The following LARGE1 variants were observed in gnomAD, a reference collection of about 807,000 sequenced individuals.
LARGE1 encodes the protein LARGE xylosyl- and glucuronyltransferase 1.
LARGE1 carries 43 observed loss-of-function variants against 87.6 expected under a neutral mutation model. The ratio of observed to expected loss-of-function variants is 0.49; its 90% CI spans 0.38 to 0.63. The LOEUF is 0.63. Ranked by LOEUF, LARGE1 falls within the 30% of genes least tolerant of loss-of-function variation. LARGE1 has a pLI of 0.00. For missense variants in LARGE1, 802 were observed against 1,000.2 expected, an observed-to-expected ratio of 0.80 and a Z score of 2.67; for synonymous variants, 434 against 394.6, an observed-to-expected ratio of 1.10 and a Z score of -1.18.
rs1928360365 is a variant in LARGE1 at position 33,272,538 on chromosome 22, A to G, written c.*1889T>C. Among the ~76,000 whole-genome samples, 1 of 152,148 alleles carries G rather than the reference A, an allele frequency of 6.6e-6. No individual in the cohort carries two copies. The highest frequency in any genetic ancestry group is 1.5e-5 in the Non-Finnish European group (1 of 68,036). On this transcript the variant is annotated 3_prime_UTR_variant, in exon 15 of 15. Transcript: ENST00000397394. ...AAAATTTTTGTTCTGCTTTATACAT[A>G]TATGTCACTTTTTATTTATAAATGC...
intron 5 of LARGE1, among the ~76,000 whole-genome samples, chr22:33,585,359 G>A (rs574354886): frequency 1.3e-5 from 2 of 151,996 alleles, no homozygotes; most frequent in African/African-American, 2.4e-5. Context: ...ACATAGAAAC[G>A]CACACACAGG....
intron 2 of LARGE1, among the ~76,000 whole-genome samples, chr22:33,655,356 T>A (rs911193227): frequency 9.8e-5 from 15 of 152,302 alleles, no homozygotes; most frequent in African/African-American, 3.1e-4. Context: ...TGGGACATCA[T>A]CTTTTTCTTG....
At chr22:33,655,550 C>T (rs573144536) in intron 2 of LARGE1, among the ~76,000 whole-genome samples, 2 of 152,262 alleles carry the variant, frequency 1.3e-5, no homozygotes, top group African/African-American at 4.8e-5. Context: ...TTGTCAGCTT[C>T]CATAATCATG....
At position 33,277,089 on chromosome 22, in the gene LARGE1, C is replaced by G; in HGVS notation, c.2044G>C (p.Val682Leu). The G allele has an allele frequency of 6.2e-7, 1 of 1,614,248 alleles. No homozygotes were observed. Among genetic ancestry groups the G allele is most frequent in the Non-Finnish European group, 8.5e-7 (1 of 1,180,038 alleles). ...ACATCCAGCTCCATGATATGAGCCA[C>G]TTTGTTCCAGCCAAAGCCTACAAAC... ...RRFVGFGWNK[V>L]AHIMELDVQE... is the part of the protein sequence containing the mutation. The change falls in exon 14 of 15, where the codon GTG becomes CTG. Residue 682 changes from valine (V) to leucine (L), a missense_variant. Physicochemically the swap from Val to Leu is conservative, Grantham distance 32. This residue lies in a region of LARGE1 where 625 missense variants were observed against 841.9 expected (regional missense o/e 0.74). Transcript: ENST00000397394.
At chr22:33,836,813 AT>A (rs2063121356) in intron 1 of LARGE1, among the ~76,000 whole-genome samples, 3 of 151,858 alleles carry the variant, frequency 2.0e-5, no homozygotes, top group African/African-American at 7.3e-5. Context: ...AAAAAAAAGA[AT>A]TAATCCATGT....
chr22:33,590,457 T>A (rs1179803829), intron 5 of LARGE1, among the ~76,000 whole-genome samples: 1 of 152,242 alleles, frequency 6.6e-6, no homozygotes, highest in Non-Finnish European at 1.5e-5. Context: ...CTTTTAAACG[T>A]ACAGTTCAAT....
intron 2 of LARGE1, among the ~76,000 whole-genome samples, chr22:33,731,251 C>A (rs1373751425): frequency 6.6e-6 from 1 of 152,058 alleles, no homozygotes; most frequent in Non-Finnish European, 1.5e-5. Context: ...GATCCGCCCA[C>A]CTCAGCCTCC....
At chr22:33,912,023 C>T (rs572371693) in intron 1 of LARGE1, among the ~76,000 whole-genome samples, 2 of 152,320 alleles carry the variant, frequency 1.3e-5, no homozygotes, top group East Asian at 3.9e-4. Flanking sequence ...TAACTGCAGA[C>T]CTACTAAGCA....
chr22:33,877,378 CA>C (rs1166387038), intron 1 of LARGE1, among the ~76,000 whole-genome samples: 3 of 151,962 alleles, frequency 2.0e-5, no homozygotes, highest in East Asian at 1.9e-4. Flanking sequence ...AAGTATCCTC[CA>C]AAAAAATTTT....
intron 2 of LARGE1, among the ~76,000 whole-genome samples, chr22:33,698,164 C>A (rs1385246223): frequency 6.6e-6 from 1 of 152,132 alleles, no homozygotes; most frequent in African/African-American, 2.4e-5. Context: ...CCTCTCTCTC[C>A]AAGGTTCAAG....
intron 6 of LARGE1, among the ~76,000 whole-genome samples, chr22:33,526,296 A>C (rs2071891003): frequency 6.6e-6 from 1 of 152,244 alleles, no homozygotes; most frequent in African/African-American, 2.4e-5. Context: ...CTAATGAAGG[A>C]AACACACAAG....
At chr22:33,666,457 CAG>C (rs2081270689) in intron 2 of LARGE1, among the ~76,000 whole-genome samples, 1 of 152,192 alleles carries the variant, frequency 6.6e-6, no homozygotes, top group South Asian at 2.1e-4. Flanking sequence ...AGAGCTACCG[CAG>C]AGAGTGCATG....
chr22:33,516,442 C>T (rs140111705), intron 6 of LARGE1, among the ~76,000 whole-genome samples: 141 of 152,184 alleles, frequency 9.3e-4, no homozygotes, highest in African/African-American at 3.3e-3. Context: ...CATTTTGAAA[C>T]TCCTAACACA....
intron 5 of LARGE1, among the ~76,000 whole-genome samples, chr22:33,570,026 A>G (rs1237661744): frequency 6.6e-6 from 1 of 152,236 alleles, no homozygotes; most frequent in East Asian, 1.9e-4. Context: ...ACAGAACAAC[A>G]GAAGAGGCAT....
intron 1 of LARGE1, among the ~76,000 whole-genome samples, chr22:33,915,401 G>C (rs149174280): frequency 8.3e-4 from 126 of 151,658 alleles, no homozygotes; most frequent in African/African-American, 2.9e-3. Context: ...GAGCATATCT[G>C]ATAAAATGGA....
rs138011042 is a variant in LARGE1, at chr22:33,277,240, C to T, written c.1893G>A (p.Thr631=). The part of the protein sequence containing the change: ...TLFTFRYHVW[T]KGHAPTNFAK... ...CGAAGTTTGTGGGTGCGTGGCCTTTCGTCCAGACGTGGTACCTGAGACACA... is the reference window on the plus strand; with the variant it reads ...CGAAGTTTGTGGGTGCGTGGCCTTTTGTCCAGACGTGGTACCTGAGACACA... The change falls in exon 14 of 15, where the codon ACG becomes ACA. Residue 631 remains threonine, a synonymous_variant. Coordinates refer to ENST00000397394, the MANE Select transcript of LARGE1 (RefSeq NM_133642.5). 29 of 1,614,170 alleles carry T rather than the reference C, an allele frequency of 1.8e-5. No homozygotes were observed. The highest frequency in any genetic ancestry group is 8.9e-5 in the East Asian group (4 of 44,878).
At chr22:33,650,808 T>A in intron 2 of LARGE1, 140 bp from the exon 3 acceptor site, 1 of 954,658 alleles carries the variant, frequency 1.0e-6, no homozygotes, top group Non-Finnish European at 1.6e-6. Flanking sequence ...GAAAGTGAGT[T>A]ACAAATAAAC....
At chr22:33,591,078 G>C (rs1203212305) in intron 5 of LARGE1, among the ~76,000 whole-genome samples, 1 of 152,198 alleles carries the variant, frequency 6.6e-6, no homozygotes, top group Non-Finnish European at 1.5e-5. Context: ...GTGGGTGCCT[G>C]TAATTCCAGC....
intron 2 of LARGE1, among the ~76,000 whole-genome samples, chr22:33,712,160 G>A (rs1203471483): frequency 2.0e-5 from 3 of 152,108 alleles, no homozygotes; most frequent in Non-Finnish European, 4.4e-5. Context: ...TGAGTCTGGA[G>A]AGCATTAACC....
Sources: gnomAD v4.1 joint callset for allele counts (sites outside exome capture counted in the v4.1 genomes callset) on GRCh38, gnomAD v4.1.1 for gene constraint, gnomAD v4.1.1 regional missense constraint, MANE v1.5 for transcripts, NCBI Gene and HGNC (gene_info 2026-07-23, HGNC 2026-07-21) for gene names.